The following RBM47 variants were observed in gnomAD, a reference collection of about 807,000 sequenced individuals.
RBM47 encodes the protein RNA binding motif protein 47, also known as RNA-binding protein 47.
A neutral mutation model predicts 47.1 loss-of-function variants in RBM47; 21 were observed. That is an observed-to-expected ratio of 0.45 (90% CI 0.32 to 0.64). The LOEUF (loss-of-function observed/expected upper bound fraction) is 0.64. Ranked by LOEUF, RBM47 falls within the 30% of genes least tolerant of loss-of-function variation. The pLI is 0.05. For missense variants in RBM47, 708 were observed against 870.9 expected (o/e 0.81, Z 2.35); for synonymous variants, 375 against 361.7 (o/e 1.04, Z -0.42).
chr4:40,595,709 G>A (rs1016166235), intron 1 of RBM47, among the ~76,000 whole-genome samples: 16 of 151,534 alleles, frequency 1.1e-4, no homozygotes, highest in Non-Finnish European at 5.9e-5. Flanking sequence ...CCAACATGGC[G>A]AAACCCTAAA....
Position 40,450,116 on chromosome 4 carries a change from C to T in RBM47, c.-31-11192G>A, listed in dbSNP as rs191383877. Among the ~76,000 whole-genome samples, 184 of 152,252 alleles carry T rather than the reference C, an allele frequency of 1.2e-3. 1 individual carries two copies. Among genetic ancestry groups the T allele is most frequent in the African/African-American group, 4.2e-3 (175 of 41,554 alleles). On this transcript the variant is annotated intron_variant, in intron 3 of 6. Transcript: ENST00000295971. ...GGCCAACGTTTTTCCAATCCATGAA[C>T]AAACAGTAGGAGGGACTTCTAGTTT... is the stretch of plus-strand genomic sequence containing the variant.
At chr4:40,463,734 G>C (rs1717526274) in intron 3 of RBM47, among the ~76,000 whole-genome samples, 1 of 150,952 alleles carries the variant, frequency 6.6e-6, no homozygotes, top group African/African-American at 2.4e-5. Context: ...TGGTGCAAAA[G>C]TGATTGCAGT....
rs981481998 is a variant in RBM47, at chr4:40,425,359, G to A, written c.*545C>T. 1 of 153,034 alleles carries A rather than the reference G, an allele frequency of 6.5e-6. No homozygotes were observed. Among genetic ancestry groups the A allele is most frequent in the African/African-American group, 2.4e-5 (1 of 41,452 alleles). The allele number at this position is 153,034 out of a possible 1,614,324, so 9.5% of individuals were successfully genotyped here. On this transcript the variant is annotated 3_prime_UTR_variant, in exon 7 of 7. Coordinates refer to ENST00000295971, the MANE Select transcript of RBM47 (RefSeq NM_001098634.2). ...AACCCTTAATGCCAGCAGAAATACA[G>A]AGGTTTTACTCATTTTAAAATTGCA...
intron 3 of RBM47, among the ~76,000 whole-genome samples, chr4:40,461,575 C>T (rs16851454): frequency 0.028 from 4,295 of 152,194 alleles, 206 homozygotes; most frequent in African/African-American, 0.098. Flanking sequence ...CTGTGAAAAC[C>T]AAAACAGGGA....
chr4:40,556,970 TG>T (rs1042736762), intron 1 of RBM47, among the ~76,000 whole-genome samples: 2 of 138,466 alleles, frequency 1.4e-5, no homozygotes, highest in African/African-American at 5.3e-5. Flanking sequence ...GAATGTGTGT[TG>T]GGGGGCACGT....
At chr4:40,605,521 T>C (rs913602749) in intron 1 of RBM47, among the ~76,000 whole-genome samples, 2 of 152,046 alleles carry the variant, frequency 1.3e-5, no homozygotes, top group East Asian at 3.9e-4. Flanking sequence ...GGATAATTTA[T>C]ATGCATATTA....
At chr4:40,524,910 A>T (rs1726548757) in intron 2 of RBM47, among the ~76,000 whole-genome samples, 1 of 152,238 alleles carries the variant, frequency 6.6e-6, no homozygotes, top group South Asian at 2.1e-4. Context: ...AAACGTTGTA[A>T]GCAAGCCAAG....
chr4:40,599,941 C>T (rs1178142901), intron 1 of RBM47, among the ~76,000 whole-genome samples: 1 of 152,064 alleles, frequency 6.6e-6, no homozygotes, highest in Non-Finnish European at 1.5e-5. Context: ...ATTCTAGAAA[C>T]TACACACTAA....
At chr4:40,619,662 G>A (rs1358322006) in intron 1 of RBM47, among the ~76,000 whole-genome samples, 1 of 152,118 alleles carries the variant, frequency 6.6e-6, no homozygotes, top group African/African-American at 2.4e-5. Flanking sequence ...TAGCGAAGAT[G>A]GACATCTCCC....
At chr4:40,611,925 T>C (rs1441924151) in intron 1 of RBM47, among the ~76,000 whole-genome samples, 1 of 151,912 alleles carries the variant, frequency 6.6e-6, no homozygotes, top group African/African-American at 2.4e-5. Flanking sequence ...ACATGAGAGG[T>C]GTAATAAAAT....
intron 1 of RBM47, among the ~76,000 whole-genome samples, chr4:40,603,986 C>T (rs1391880849): frequency 2.6e-5 from 4 of 152,220 alleles, no homozygotes; most frequent in Non-Finnish European, 5.9e-5. Context: ...TCCACACAAC[C>T]AACCACACCC....
chr4:40,505,222 C>T (rs1723930551), intron 2 of RBM47, among the ~76,000 whole-genome samples: 1 of 152,012 alleles, frequency 6.6e-6, no homozygotes, highest in Admixed American at 6.6e-5. Flanking sequence ...GGCACTGTGG[C>T]TCACGTCTGT....
intron 6 of RBM47, chr4:40,427,445 A>T (rs1453419183): frequency 2.0e-5 from 3 of 152,228 alleles, no homozygotes; most frequent in Admixed American, 6.5e-5. Context: ...GCAACATAAG[A>T]TGTTTTCAGA....
chr4:40,569,016 T>TAGACAGACAGAC (rs398063481), intron 1 of RBM47, among the ~76,000 whole-genome samples: 12 of 98,810 alleles, frequency 1.2e-4, no homozygotes, highest in African/African-American at 3.8e-4. Context: ...GATAGATAGA[T>TAGACAGACAGAC]AGACAGACAG....
chr4:40,522,685 C>A (rs1726310547), intron 2 of RBM47, among the ~76,000 whole-genome samples: 1 of 150,188 alleles, frequency 6.7e-6, no homozygotes, highest in Non-Finnish European at 1.5e-5. Context: ...TGACATACCT[C>A]AATAGATTGA....
At chr4:40,524,882 A>C (rs2154257721) in intron 2 of RBM47, among the ~76,000 whole-genome samples, 1 of 152,342 alleles carries the variant, frequency 6.6e-6, no homozygotes, top group South Asian at 2.1e-4. Context: ...ATGAATCTGT[A>C]CCAACCAAAA....
chr4:40,616,228 C>T (rs1270007764), intron 1 of RBM47, among the ~76,000 whole-genome samples: 1 of 151,976 alleles, frequency 6.6e-6, no homozygotes, highest in Non-Finnish European at 1.5e-5. Context: ...GTGGCGGGCG[C>T]CTGTAGTCCC....
chr4:40,430,573 C>A (rs1301615160), intron 6 of RBM47, among the ~76,000 whole-genome samples: 1 of 152,192 alleles, frequency 6.6e-6, no homozygotes, highest in East Asian at 1.9e-4. Flanking sequence ...TAATGACATA[C>A]TGAAAGATAA....
intron 1 of RBM47, among the ~76,000 whole-genome samples, chr4:40,552,974 C>CT (rs1196931375): frequency 0.039 from 5,744 of 147,186 alleles, 200 homozygotes; most frequent in East Asian, 0.12. Context: ...TTTCTTTTTT[C>CT]TTTTTTTTTT....
Sources: allele counts gnomAD v4.1 joint callset (sites outside exome capture counted in the v4.1 genomes callset), GRCh38; gene constraint gnomAD v4.1.1; transcripts MANE v1.5; gene names NCBI Gene and HGNC (gene_info 2026-07-23, HGNC 2026-07-21).